ITGB2: variants seen among roughly 807,000 people sequenced by gnomAD.
The protein encoded by ITGB2 is integrin beta-2.
Under a neutral mutation model 86.8 loss-of-function variants are expected in ITGB2, and 56 were observed. That is an observed-to-expected ratio of 0.65 (90% confidence interval 0.52 to 0.81). The LOEUF (loss-of-function observed/expected upper bound fraction) is 0.81, where lower values mean the gene tolerates loss of function less well. Ranked by LOEUF, ITGB2 falls within the 30% of genes least tolerant of loss-of-function variation. The pLI is 0.00. For missense variants in ITGB2, 948 were observed against 1,061.2 expected (o/e 0.89, Z 1.48); for synonymous variants, 457 against 450.4 (o/e 1.01, Z -0.19).
At chr21:44,913,206 A>T (rs1048094293) in intron 1 of ITGB2, among the ~76,000 whole-genome samples, 2 of 151,280 alleles carry the variant, frequency 1.3e-5, no homozygotes, top group Non-Finnish European at 3.0e-5. Flanking sequence ...GGGGGTGCAG[A>T]CCTCCCCTGG....
At chr21:44,891,075 CAG>C (rs146058248) in intron 11 of ITGB2, among the ~76,000 whole-genome samples, 2 of 152,272 alleles carry the variant, frequency 1.3e-5, no homozygotes, top group East Asian at 3.9e-4. Context: ...GCGGTCAGGA[CAG>C]GGGAGGAGGT....
intron 1 of ITGB2, among the ~76,000 whole-genome samples, chr21:44,916,319 G>A (rs2084209392): frequency 6.6e-6 from 1 of 151,684 alleles, no homozygotes; most frequent in East Asian, 1.9e-4. Context: ...GAATGCTAAA[G>A]TACTCTGCTA....
At chr21:44,908,771 G>A (rs573905295) in intron 3 of ITGB2, among the ~76,000 whole-genome samples, 8 of 152,306 alleles carry the variant, frequency 5.3e-5, no homozygotes, top group South Asian at 2.1e-4. Flanking sequence ...AACCCGAGCC[G>A]TCAGAAAACC....
At chr21:44,921,900 T>G (rs944861318), upstream of ITGB2, among the ~76,000 whole-genome samples, 3 of 152,164 alleles carry the variant, frequency 2.0e-5, no homozygotes, top group Non-Finnish European at 4.4e-5. Flanking sequence ...ATTTTTGTAT[T>G]CTTAGTAGAG....
intron 8 of ITGB2, 110 bp from the exon 9 acceptor site, chr21:44,895,170 C>A (rs1393276388): frequency 1.2e-6 from 1 of 810,592 alleles, no homozygotes; most frequent in South Asian, 1.4e-5. Flanking sequence ...CTGGGACGGT[C>A]CTCAACGCAG....
In ITGB2 at chr21:44,888,861, G is replaced by A. The variant is rs759804012; in HGVS notation, c.1912C>T (p.Pro638Ser). The A allele has an allele frequency of 6.8e-6, 11 of 1,608,540 alleles. No homozygotes were observed. The South Asian group carries it at 1.2e-4, about 18-fold the overall frequency. The change falls in exon 14 of 16, where the codon CCC becomes TCC. Residue 638 changes from proline to serine, a missense_variant. Physicochemically the swap from Pro to Ser is moderately conservative, Grantham distance 74. Coordinates refer to ENST00000652462, the MANE Select transcript of ITGB2 (RefSeq NM_000211.5). ...CAECLKFEKG[P>S]FGKNCSAACP... ...GCCGCGCTGCAGTTCTTCCCAAAGGGGCCCTTTTCGAACTTCAGGCACTCG... is the reference window on the plus strand; with the variant it reads ...GCCGCGCTGCAGTTCTTCCCAAAGGAGCCCTTTTCGAACTTCAGGCACTCG...
chr21:44,904,791 C>T (rs534154314), intron 4 of ITGB2, among the ~76,000 whole-genome samples: 2 of 152,006 alleles, frequency 1.3e-5, no homozygotes, highest in Admixed American at 1.3e-4. Context: ...TATACACACA[C>T]CCCACACAAT....
chr21:44,923,296 G>A (rs577419225), upstream of ITGB2, among the ~76,000 whole-genome samples: 23 of 152,290 alleles, frequency 1.5e-4, no homozygotes, highest in African/African-American at 4.8e-4. Flanking sequence ...TCTCTTAATA[G>A]AACCAATTGC....
intron 3 of ITGB2, among the ~76,000 whole-genome samples, chr21:44,909,901 C>A (rs2084102873): frequency 1.3e-5 from 2 of 152,220 alleles, no homozygotes; most frequent in South Asian, 4.1e-4. Flanking sequence ...GGCCCCAAAC[C>A]TGCTGACTCT....
rs918924685 is a variant in ITGB2, at chr21:44,910,216, C to T, written c.147+68G>A. 3 of 1,574,434 alleles carry T rather than the reference C, an allele frequency of 1.9e-6. No individual in the cohort carries two copies. In the African/African-American group the frequency reaches 4.1e-5, roughly 21 times the overall value. On this transcript the variant is annotated intron_variant, in intron 3 of 15. Coordinates refer to ENST00000652462, the MANE Select transcript of ITGB2 (RefSeq NM_000211.5). ...TTGTTGGTCCTCTGGGTGCCACTGG[C>T]TTCAGGGGCAGGAAAGGGCCCTCAC...
At chr21:44,893,012 A>G in intron 10 of ITGB2, 1 of 237,394 alleles carries the variant, frequency 4.2e-6, no homozygotes, top group South Asian at 3.6e-5. Context: ...GGCCTGACCC[A>G]GGGATTTGGG....
intron 1 of ITGB2, among the ~76,000 whole-genome samples, chr21:44,916,195 A>G (rs1359132084): frequency 6.6e-6 from 1 of 152,168 alleles, no homozygotes; most frequent in African/African-American, 2.4e-5. Context: ...TGCTGGGATT[A>G]CAGGCGTGAG....
At chr21:44,900,726 G>C (rs2083942668) in intron 6 of ITGB2, among the ~76,000 whole-genome samples, 1 of 152,218 alleles carries the variant, frequency 6.6e-6, no homozygotes, top group Admixed American at 6.5e-5. Context: ...CAAGGAGAGA[G>C]ACACGGCTGC....
chr21:44,886,634 G>A, intron 15 of ITGB2, 102 bp downstream of exon 15: 1 of 1,544,106 alleles, frequency 6.5e-7, no homozygotes, highest in Non-Finnish European at 8.9e-7. Context: ...GGAGGCCGGG[G>A]TGCAGCCACA....
chr21:44,886,519 C>T (rs546316064), intron 15 of ITGB2, 89 bp from the exon 16 acceptor site: 7 of 1,484,714 alleles, frequency 4.7e-6, no homozygotes, highest in Non-Finnish European at 6.6e-6. Context: ...GCATGGAAGC[C>T]GTCACTTTGA....
At chr21:44,887,297 G>A (rs1343993915) in intron 14 of ITGB2, among the ~76,000 whole-genome samples, 2 of 152,174 alleles carry the variant, frequency 1.3e-5, no homozygotes, top group Middle Eastern at 3.2e-3. Flanking sequence ...TACTGTGAAA[G>A]TGATTTGTGG....
chr21:44,911,196 A>T, intron 1 of ITGB2: 1 of 324,350 alleles, frequency 3.1e-6, no homozygotes, highest in Non-Finnish European at 6.0e-6. Context: ...ACATATGTAC[A>T]CACAGAGATG....
At chr21:44,896,803 G>C (rs1254438793) in intron 8 of ITGB2, among the ~76,000 whole-genome samples, 3 of 152,258 alleles carry the variant, frequency 2.0e-5, no homozygotes, top group Non-Finnish European at 4.4e-5. Context: ...AAAGGCTGAG[G>C]AAGGCTTGTG....
Position 44,886,331 on chromosome 21 carries a change from T to C in ITGB2, c.*37A>G, listed in dbSNP as rs931632539. On this transcript the variant is annotated 3_prime_UTR_variant, in exon 16 of 16. Transcript: ENST00000652462. The stretch of plus-strand genomic sequence containing the variant: ...TCTCGGCCGCGTGATGGGGCAGACA[T>C]GGTGGGTCCTGACGGCCTTGTCTTC... 4 of 1,584,182 alleles carry C rather than the reference T, an allele frequency of 2.5e-6. No homozygotes were observed. The highest frequency in any genetic ancestry group is 1.7e-5 in the Admixed American group (1 of 59,972).
Sources: allele counts gnomAD v4.1 joint callset (sites outside exome capture counted in the v4.1 genomes callset), GRCh38; gene constraint gnomAD v4.1.1; transcripts MANE v1.5; gene names NCBI Gene and HGNC (gene_info 2026-07-23, HGNC 2026-07-21).